Variants in RGS7 observed in about 807,000 individuals in gnomAD.
The protein encoded by RGS7 is regulator of G protein signaling 7, also known as regulator of G-protein signaling 7.
RGS7 carries 27 observed loss-of-function variants against 81.1 expected under a neutral mutation model. The ratio of observed to expected loss-of-function variants is 0.33; its 90% confidence interval spans 0.25 to 0.46. RGS7 has a LOEUF of 0.46. RGS7 is among the 20% of genes least tolerant of loss of function. The pLI, the probability that RGS7 is intolerant of heterozygous loss-of-function variation, is 1.00. For missense variants in RGS7, 396 were observed against 607.4 expected, an observed-to-expected ratio of 0.65 and a Z score of 3.66; for synonymous variants, 208 against 207.7, an observed-to-expected ratio of 1.00 and a Z score of -0.01.
intron 9 of RGS7, among the ~76,000 whole-genome samples, chr1:240,852,848 T>G (rs950871484): frequency 6.6e-6 from 1 of 152,178 alleles, no homozygotes; most frequent in African/African-American, 2.4e-5. Flanking sequence ...AAGGGATTCC[T>G]GGGGGTTTTG....
At chr1:241,244,526 A>G (rs1357448789) in intron 2 of RGS7, among the ~76,000 whole-genome samples, 2 of 152,312 alleles carry the variant, frequency 1.3e-5, no homozygotes, top group African/African-American at 4.8e-5. Context: ...AACTAGTTCA[A>G]CCATTGTGGA....
At chr1:240,943,512 A>G (rs1677954831) in intron 4 of RGS7, among the ~76,000 whole-genome samples, 1 of 152,214 alleles carries the variant, frequency 6.6e-6, no homozygotes, top group East Asian at 1.9e-4. Context: ...CACTTAATCT[A>G]GTTTAAGGGG....
intron 6 of RGS7, among the ~76,000 whole-genome samples, chr1:240,877,366 T>C (rs941493821): frequency 6.6e-6 from 1 of 150,814 alleles, no homozygotes; most frequent in African/African-American, 2.4e-5. Context: ...AAAATCATTA[T>C]AATACCATTT....
At chr1:241,118,560 C>T (rs1437730247) in intron 2 of RGS7, among the ~76,000 whole-genome samples, 1 of 152,084 alleles carries the variant, frequency 6.6e-6, no homozygotes, top group African/African-American at 2.4e-5. Context: ...CCAAGGAAAT[C>T]ATTTTATAAT....
chr1:240,991,454 T>C (rs1686445941), intron 3 of RGS7, among the ~76,000 whole-genome samples: 1 of 152,128 alleles, frequency 6.6e-6, no homozygotes, highest in African/African-American at 2.4e-5. Flanking sequence ...TTTTCCCAAG[T>C]CGCATTCAGA....
intron 3 of RGS7, among the ~76,000 whole-genome samples, chr1:241,007,683 T>C (rs2058742056): frequency 6.6e-6 from 1 of 152,190 alleles, no homozygotes; most frequent in African/African-American, 2.4e-5. Flanking sequence ...CCAGAAGGCC[T>C]GACAATCTTT....
At chr1:241,037,797 C>T (rs139338608) in intron 3 of RGS7, among the ~76,000 whole-genome samples, 15 of 150,912 alleles carry the variant, frequency 9.9e-5, no homozygotes, top group East Asian at 5.8e-4. Flanking sequence ...TAAAACAGAA[C>T]GAAATAATGA....
intron 3 of RGS7, among the ~76,000 whole-genome samples, chr1:241,043,187 CT>C (rs1030977560): frequency 3.3e-5 from 5 of 152,002 alleles, no homozygotes; most frequent in African/African-American, 1.2e-4. Flanking sequence ...TTTCCTGAGT[CT>C]TTAAAATGTT....
chr1:241,070,516 G>A (rs2062373891), intron 3 of RGS7, among the ~76,000 whole-genome samples: 1 of 152,162 alleles, frequency 6.6e-6, no homozygotes, highest in Non-Finnish European at 1.5e-5. Flanking sequence ...CTTACAAAAT[G>A]CTTTGCAAAG....
intron 2 of RGS7, among the ~76,000 whole-genome samples, chr1:241,250,183 C>T (rs368836288): frequency 7.2e-5 from 11 of 152,192 alleles, no homozygotes; most frequent in African/African-American, 2.4e-4. Flanking sequence ...AGAATGTTAT[C>T]AAAGTGTTAT....
chr1:241,338,949 T>C (rs1162432125), intron 2 of RGS7, among the ~76,000 whole-genome samples: 2 of 152,096 alleles, frequency 1.3e-5, no homozygotes, highest in Non-Finnish European at 2.9e-5. Context: ...GTTACATAGG[T>C]GAACGTGTGT....
chr1:241,105,315 G>A (rs548253651), intron 2 of RGS7, among the ~76,000 whole-genome samples: 26 of 152,252 alleles, frequency 1.7e-4, no homozygotes, highest in African/African-American at 4.6e-4. Flanking sequence ...CCATGTGTAA[G>A]CCCTCAAGAT....
At chr1:241,123,869 T>C (rs10926414) in intron 2 of RGS7, among the ~76,000 whole-genome samples, 83,833 of 152,118 alleles carry the variant, frequency 0.55, 26,801 homozygotes, top group African/African-American at 0.89. Flanking sequence ...TGGGACTGGG[T>C]ATCCCCGCCA....
Position 240,834,542 on chromosome 1 carries a change from G to A in RGS7, c.610-7370C>T, listed in dbSNP as rs978659734. On this transcript the variant is annotated intron_variant, in intron 9 of 18. Coordinates refer to ENST00000440928, the MANE Select transcript of RGS7 (RefSeq NM_001364886.1). ...TTTGTTTGTTTTGAGATGGAGTCTC[G>A]CTCCACCGCCCAGACTGGAGTGCAG... 7.2e-5 allele frequency among the ~76,000 whole-genome samples: 11 copies of A among 151,962 alleles called. No homozygotes were observed. The South Asian group carries it at 8.3e-4, about 11-fold the overall frequency.
intron 3 of RGS7, among the ~76,000 whole-genome samples, chr1:241,019,322 C>CT (rs2059426389): frequency 2.0e-5 from 3 of 151,878 alleles, no homozygotes; most frequent in South Asian, 2.1e-4. Context: ...AGACTTTTTT[C>CT]TTTTTTTAGA....
intron 6 of RGS7, among the ~76,000 whole-genome samples, chr1:240,925,283 C>T (rs188322817): frequency 9.7e-4 from 148 of 152,118 alleles, no homozygotes; most frequent in African/African-American, 3.1e-3. Context: ...CTCCATCATT[C>T]CCCCCACCAG....
At chr1:241,070,974 C>G (rs1008139249) in intron 3 of RGS7, among the ~76,000 whole-genome samples, 3 of 152,136 alleles carry the variant, frequency 2.0e-5, no homozygotes, top group Admixed American at 1.3e-4. Flanking sequence ...ATAAGAAGAA[C>G]TAGATTGTCC....
At chr1:241,185,004 C>T (rs189497041) in intron 2 of RGS7, among the ~76,000 whole-genome samples, 8 of 152,120 alleles carry the variant, frequency 5.3e-5, no homozygotes, top group African/African-American at 1.9e-4. Flanking sequence ...TGGACTTTTG[C>T]AGGAGGTAAT....
At chr1:241,288,059 G>A (rs967912163) in intron 2 of RGS7, among the ~76,000 whole-genome samples, 1 of 152,140 alleles carries the variant, frequency 6.6e-6, no homozygotes, top group Admixed American at 6.5e-5. Context: ...CTAGAAAATT[G>A]GGGACACCTT....
Sources: allele counts gnomAD v4.1 joint callset (sites outside exome capture counted in the v4.1 genomes callset), GRCh38; gene constraint gnomAD v4.1.1; transcripts MANE v1.5; gene names NCBI Gene and HGNC (gene_info 2026-07-23, HGNC 2026-07-21).